TOP2B: variants seen among roughly 807,000 people sequenced by gnomAD.
The protein encoded by TOP2B is DNA topoisomerase II beta, also known as DNA topoisomerase 2-beta.
Under a neutral mutation model 193.5 loss-of-function variants are expected in TOP2B, and 51 were observed. The observed-to-expected ratio is 0.26, with a 90% CI of 0.21 to 0.33. The LOEUF is 0.33. Ranked by LOEUF, TOP2B falls within the 10% of genes least tolerant of loss-of-function variation. The pLI is 1.00. For missense variants in TOP2B, 1,378 were observed against 1,909.3 expected (o/e 0.72, Z 5.19); for synonymous variants, 634 against 635.7 (o/e 1.00, Z 0.04).
intron 4 of TOP2B, among the ~76,000 whole-genome samples, chr3:25,639,935 T>G (rs982056168): frequency 6.6e-6 from 1 of 152,314 alleles, no homozygotes; most frequent in Admixed American, 6.5e-5. Flanking sequence ...AAGAAGTTTA[T>G]GTGCACAAAT....
chr3:25,609,646 C>T lies in TOP2B; in HGVS notation c.3853G>A (p.Gly1285Ser), dbSNP rs1259590962. ...DEEFSGAPVE[G>S]AGEEALTPSV... ...GGAGTCAATGCCTCTTCTCCTGCAC[C>T]TTCTACTGGTGCTCCACTGAATTCT... Residue 1285 changes from glycine to serine, a missense_variant, in exon 29 of 36, where the codon GGT (glycine) becomes AGT (serine). Coordinates refer to ENST00000264331, the MANE Select transcript of TOP2B (RefSeq NM_001330700.2). The T allele has an allele frequency of 6.4e-7, 1 of 1,567,884 alleles. No individual in the cohort carries two copies. Among genetic ancestry groups the T allele is most frequent in the South Asian group, 1.2e-5 (1 of 83,108 alleles).
In TOP2B at chr3:25,637,250, T is replaced by C. The variant is rs766248264; in HGVS notation, c.604A>G (p.Thr202Ala). 1.9e-6 allele frequency: 3 copies of C among 1,560,252 alleles called. No individual in the cohort carries two copies. Among genetic ancestry groups the C allele is most frequent in the Non-Finnish European group, 2.6e-6 (3 of 1,150,578 alleles). Residue 202 changes from threonine (T) to alanine (A), a missense_variant, in exon 6 of 36, where the codon ACA (threonine) becomes GCA (alanine). Thr to Ala is a moderately conservative substitution (Grantham distance 58). Around this residue, in one of 9 missense-constraint regions of TOP2B, gnomAD observed 222 missense variants for 306.6 expected, o/e 0.72. Transcript: ENST00000264331. ...CTGTGTTTGTATTCTTTGCAAGCTGTTTCTACTGTAAACTTTGTACTGAAA... is the reference window on the plus strand; with the variant it reads ...CTGTGTTTGTATTCTTTGCAAGCTGCTTCTACTGTAAACTTTGTACTGAAA... ...NIFSTKFTVE[T>A]ACKEYKHSFK...
At chr3:25,632,324 G>A in intron 10 of TOP2B, 122 bp downstream of exon 10, 1 of 798,030 alleles carries the variant, frequency 1.3e-6, no homozygotes, top group South Asian at 1.9e-5. Flanking sequence ...AGTTTGTAGT[G>A]CAAGCATGCT....
In TOP2B at chr3:25,664,320, G is replaced by A. The variant is rs1394454633; in HGVS notation, c.-23C>T. On this transcript the variant is annotated 5_prime_UTR_variant, in exon 1 of 36. Coordinates refer to ENST00000264331, the MANE Select transcript of TOP2B (RefSeq NM_001330700.2). ...CATGGCGAGTGCCTCCAGCTCACAG[G>A]CCCTGAGGCCGCAGCCGCCGCTCCC... 3.4e-6 allele frequency: 5 copies of A among 1,474,746 alleles called. No homozygotes were observed. Among genetic ancestry groups the A allele is most frequent in the East Asian group, 2.9e-5 (1 of 34,864 alleles). 91.4% of individuals were successfully genotyped at this position (1,474,746 alleles called of 1,614,324 possible).
intron 1 of TOP2B, among the ~76,000 whole-genome samples, chr3:25,660,385 G>A (rs1703873545): frequency 6.6e-6 from 1 of 152,126 alleles, no homozygotes; most frequent in South Asian, 2.1e-4. Flanking sequence ...ATGCATGAAA[G>A]TTACATAAAA....
intron 34 of TOP2B, among the ~76,000 whole-genome samples, chr3:25,600,072 C>T (rs1401948363): frequency 6.6e-6 from 1 of 152,160 alleles, no homozygotes; most frequent in Non-Finnish European, 1.5e-5. Context: ...CATATGAGAA[C>T]CACCAGTATT....
rs970253929 is a variant in TOP2B at position 25,637,293 on chromosome 3, A to C, written c.561T>G (p.Gly187=). 1.3e-6 allele frequency: 2 copies of C among 1,557,938 alleles called. No individual in the cohort carries two copies. The highest frequency in any genetic ancestry group is 4.7e-5 in the East Asian group (2 of 42,136). Residue 187 remains glycine (G), a synonymous_variant, in exon 6 of 36, where the codon GGT becomes GGG. Transcript: ENST00000264331. ...KKVTGGRNGY[G]AKLCNIFSTK... ...TACTGAAAATATTACAAAGTTTTGC[A>C]CCATAACCATTACGACCACCTGTAA... is the stretch of plus-strand genomic sequence containing the variant.
chr3:25,618,539 A>G, intron 24 of TOP2B, 30 bp from the exon 25 acceptor site: 1 of 1,573,908 alleles, frequency 6.4e-7, no homozygotes, highest in Non-Finnish European at 8.7e-7. Flanking sequence ...AGTTAGGATC[A>G]AGATAAGAGA....
In TOP2B at chr3:25,610,574, T is replaced by C. The variant is rs141239374; in HGVS notation, c.3787-862A>G. On this transcript the variant is annotated intron_variant, in intron 28 of 35. Coordinates refer to ENST00000264331, the MANE Select transcript of TOP2B (RefSeq NM_001330700.2). ...TAAAGAATTAGGTTTTTAAATGTAA[T>C]AGTCTGCTAGAACTCAAGGAAAAGT... Among the ~76,000 whole-genome samples the C allele has an allele frequency of 7.2e-3, 1,098 of 152,312 alleles. 5 individuals are homozygous for C. Among genetic ancestry groups the C allele is most frequent in the Middle Eastern group, 0.014 (4 of 294 alleles).
intron 1 of TOP2B, among the ~76,000 whole-genome samples, chr3:25,654,830 C>T (rs1401312555): frequency 6.6e-6 from 1 of 152,152 alleles, no homozygotes; most frequent in Non-Finnish European, 1.5e-5. Context: ...AGGACAGTCT[C>T]TTCAACAAAT....
intron 25 of TOP2B, 155 bp downstream of exon 25, chr3:25,618,263 A>G (rs1208520796): frequency 1.3e-5 from 8 of 610,538 alleles, no homozygotes; most frequent in Admixed American, 2.9e-5. Flanking sequence ...CCTGTACTTT[A>G]TCTGTTCTGT....
chr3:25,635,208 T>C (rs2125384346), intron 7 of TOP2B, among the ~76,000 whole-genome samples: 1 of 152,208 alleles, frequency 6.6e-6, no homozygotes, highest in Middle Eastern at 3.4e-3. Context: ...CACTAATAAC[T>C]ACAGCAAAAA....
At chr3:25,646,511 C>G (rs1000720936) in intron 1 of TOP2B, among the ~76,000 whole-genome samples, 2 of 152,192 alleles carry the variant, frequency 1.3e-5, no homozygotes, top group Non-Finnish European at 1.5e-5. Flanking sequence ...AGAGAATATA[C>G]TTCTCTCCTT....
In TOP2B at chr3:25,598,282, A is replaced by G; in HGVS notation, c.*25T>C. The G allele has an allele frequency of 6.3e-7, 1 of 1,581,528 alleles. No homozygotes were observed. The highest frequency in any genetic ancestry group is 8.6e-7 in the Non-Finnish European group (1 of 1,159,878). On this transcript the variant is annotated 3_prime_UTR_variant, in exon 36 of 36. Coordinates refer to ENST00000264331, the MANE Select transcript of TOP2B (RefSeq NM_001330700.2). ...AAAGGACAACACAAGATATTTGTTG[A>G]AAAATGTTTGTGCTCTTTGGGCACT...
intron 21 of TOP2B, among the ~76,000 whole-genome samples, chr3:25,621,801 C>T (rs1342596637): frequency 1.3e-5 from 2 of 151,944 alleles, no homozygotes; most frequent in African/African-American, 4.8e-5. Flanking sequence ...CCAGCCTGGC[C>T]AACACAGTGA....
At chr3:25,604,904 A>T (rs776193919) in intron 32 of TOP2B, 34 bp from the exon 33 acceptor site, 174 of 1,503,620 alleles carry the variant, frequency 1.2e-4, no homozygotes, top group Non-Finnish European at 1.6e-4. Flanking sequence ...TAGTAAAGAG[A>T]TGTTATAAAG....
At chr3:25,612,447 A>T (rs1702397223) in intron 28 of TOP2B, 68 bp downstream of exon 28, 1 of 1,246,038 alleles carries the variant, frequency 8.0e-7, no homozygotes, top group Non-Finnish European at 1.1e-6. Context: ...CACGCATTAA[A>T]ATTTTTTAAA....
intron 33 of TOP2B, among the ~76,000 whole-genome samples, chr3:25,602,418 A>AAAAAAAAAAAAAAAG: frequency 9.5e-6 from 1 of 105,042 alleles, no homozygotes; most frequent in Non-Finnish European, 1.9e-5. Flanking sequence ...AAGAAAAAGA[A>AAAAAAAAAAAAAAAG]AAAAAAAAAA....
chr3:25,630,004 A>G (rs535709705), intron 13 of TOP2B, 25 bp downstream of exon 13: 2 of 1,555,716 alleles, frequency 1.3e-6, no homozygotes, highest in East Asian at 4.5e-5. Flanking sequence ...ATGAATTTGA[A>G]ATATGTGGTA....
Sources: gnomAD v4.1 joint callset for allele counts (sites outside exome capture counted in the v4.1 genomes callset) on GRCh38, gnomAD v4.1.1 for gene constraint, gnomAD v4.1.1 regional missense constraint, MANE v1.5 for transcripts, NCBI Gene and HGNC (gene_info 2026-07-23, HGNC 2026-07-21) for gene names.